Variants in GGT1 observed in about 807,000 individuals in gnomAD.
The protein encoded by GGT1 is glutathione hydrolase 1 proenzyme.
GGT1 carries 21 observed loss-of-function variants against 56.0 expected under a neutral mutation model. The observed-to-expected ratio is 0.38, with a 90% CI of 0.27 to 0.54. GGT1 has a LOEUF of 0.54. Among genes scored for constraint, GGT1 ranks in the 20% least tolerant of loss-of-function variants. The pLI, the probability that GGT1 is intolerant of heterozygous loss-of-function variation, is 0.82. For missense variants in GGT1, 466 were observed against 787.0 expected, an observed-to-expected ratio of 0.59 and a Z score of 4.88; for synonymous variants, 238 against 342.6, an observed-to-expected ratio of 0.69 and a Z score of 3.37.
chr22:24,593,837 TG>T (rs2045642022), upstream of GGT1, among the ~76,000 whole-genome samples: 1 of 151,280 alleles, frequency 6.6e-6, no homozygotes, highest in African/African-American at 2.4e-5. Context: ...GCAGTTGTGG[TG>T]TAGGACCTGC....
At chr22:24,601,112 A>T (rs989547625), upstream of GGT1, among the ~76,000 whole-genome samples, 3 of 152,126 alleles carry the variant, frequency 2.0e-5, no homozygotes, top group African/African-American at 7.3e-5. Flanking sequence ...GAGACACAAA[A>T]TGTCCTGGAT....
intron 1 of GGT1, among the ~76,000 whole-genome samples, chr22:24,596,531 C>T (rs562106580): frequency 6.6e-6 from 1 of 152,254 alleles, no homozygotes; most frequent in East Asian, 1.9e-4. Flanking sequence ...TCCAAGCAGT[C>T]CTCCTGCTTC....
At chr22:24,584,315 C>T in the GGT1 span, among the ~76,000 whole-genome samples, 1 of 152,170 alleles carries the variant, frequency 6.6e-6, no homozygotes, top group Non-Finnish European at 1.5e-5. Flanking sequence ...TGGCCAGGTC[C>T]CACAGCAAGT....
At chr22:24,614,342 T>C (rs2046899676) in intron 5 of GGT1, among the ~76,000 whole-genome samples, 1 of 98,454 alleles carries the variant, frequency 1.0e-5, no homozygotes, top group Non-Finnish European at 1.9e-5. Context: ...AAGAGAGACT[T>C]TGTCTCAAAA....
chr22:24,589,046 T>C, the GGT1 span: 1 of 1,022,878 alleles, frequency 9.8e-7, no homozygotes, highest in South Asian at 3.4e-5. Flanking sequence ...GCTGTTCCTG[T>C]GATGGCCGTG....
chr22:24,585,960 T>C, the GGT1 span: 1 of 1,609,488 alleles, frequency 6.2e-7, no homozygotes, highest in Non-Finnish European at 8.5e-7. Context: ...GCAGGGGTGG[T>C]GGCCCCGGCC....
the GGT1 span, among the ~76,000 whole-genome samples, chr22:24,585,269 G>A: frequency 6.6e-6 from 1 of 152,206 alleles, no homozygotes; most frequent in Non-Finnish European, 1.5e-5. Flanking sequence ...TGCCCAGAGG[G>A]CTGTGGTGGT....
At chr22:24,611,538 TCTATCATC>T (rs1172572852) in intron 5 of GGT1, among the ~76,000 whole-genome samples, 2 of 111,914 alleles carry the variant, frequency 1.8e-5, no homozygotes, top group Non-Finnish European at 3.4e-5. Context: ...TATCTATCTA[TCTATCATC>T]TATCTATCTA....
chr22:24,599,836 T>C (rs2045755296), upstream of GGT1, among the ~76,000 whole-genome samples: 1 of 152,108 alleles, frequency 6.6e-6, no homozygotes, highest in Non-Finnish European at 1.5e-5. Context: ...AAAGTCCAGG[T>C]GAGAGCATGG....
intron 2 of GGT1, chr22:24,609,214 T>C (rs2046508739): frequency 6.6e-6 from 1 of 152,102 alleles, no homozygotes; most frequent in Non-Finnish European, 1.5e-5. Context: ...AGCTGCTTTC[T>C]GGAAGACTGA....
chr22:24,622,735 C>T (rs1293539541), intron 9 of GGT1, among the ~76,000 whole-genome samples: 2 of 151,524 alleles, frequency 1.3e-5, no homozygotes, highest in East Asian at 3.9e-4. Flanking sequence ...GAGCAAGATC[C>T]TATCTCTAAA....
At chr22:24,589,556 A>G in the GGT1 span, 1 of 469,494 alleles carries the variant, frequency 2.1e-6, no homozygotes, top group Non-Finnish European at 3.4e-6. Flanking sequence ...CTGGGCCCCC[A>G]GGCCTGGTGC....
upstream of GGT1, chr22:24,593,258 G>A: frequency 3.0e-6 from 1 of 329,868 alleles, no homozygotes; most frequent in Non-Finnish European, 4.4e-6. Context: ...CAGTCTTGGC[G>A]CTAGAACCCG....
chr22:24,627,375 T>TGCCCCCGGGG, intron 11 of GGT1, 57 bp from the exon 12 acceptor site: 2 of 956,072 alleles, frequency 2.1e-6, no homozygotes, highest in Non-Finnish European at 3.3e-6. Flanking sequence ...CTGAGACCTG[T>TGCCCCCGGGG]GCCCCCTCCC....
At chr22:24,614,955 G>C (rs1569057646) in intron 6 of GGT1, 49 bp downstream of exon 6, 5 of 1,600,224 alleles carry the variant, frequency 3.1e-6, no homozygotes, top group Non-Finnish European at 4.3e-6. Flanking sequence ...GTGTGGGTTG[G>C]GCCGAGGCAC....
chr22:24,601,570 A>C (rs1186924692), upstream of GGT1, among the ~76,000 whole-genome samples: 2 of 152,186 alleles, frequency 1.3e-5, no homozygotes, highest in Non-Finnish European at 2.9e-5. Flanking sequence ...GGTGGGGCAG[A>C]TCCCAGCCCG....
At chr22:24,604,699 C>G (rs1243729931) in intron 1 of GGT1, among the ~76,000 whole-genome samples, 1 of 151,938 alleles carries the variant, frequency 6.6e-6, no homozygotes, top group Non-Finnish European at 1.5e-5. Flanking sequence ...CCCACTTCCC[C>G]CTAGGTGCCC....
At chr22:24,592,818 C>T, upstream of GGT1, 1 of 1,262,582 alleles carries the variant, frequency 7.9e-7, no homozygotes, top group South Asian at 2.3e-5. Flanking sequence ...GACCCCCAGA[C>T]CCTCCCTGGC....
At chr22:24,594,381 A>T (rs5760488), upstream of GGT1, among the ~76,000 whole-genome samples, 112,101 of 150,914 alleles carry the variant, frequency 0.74, 42,615 homozygotes, top group African/African-American at 0.92. Context: ...ACAGCCAAGC[A>T]CCCGTGTGTA....
Sources: allele counts gnomAD v4.1 joint callset (sites outside exome capture counted in the v4.1 genomes callset), GRCh38; gene constraint gnomAD v4.1.1; transcripts MANE v1.5; gene names NCBI Gene and HGNC (gene_info 2026-07-23, HGNC 2026-07-21).